NTNG1: variants seen among roughly 807,000 people sequenced by gnomAD.
The protein encoded by NTNG1 is netrin G1, also known as netrin-G1.
In NTNG1, 16 loss-of-function variants were observed where a neutral mutation model predicts 54.0. The ratio of observed to expected loss-of-function variants is 0.30; its 90% CI spans 0.20 to 0.45. The LOEUF is 0.45. Among genes scored for constraint, NTNG1 ranks in the 20% least tolerant of loss-of-function variants. NTNG1 has a pLI of 1.00. For synonymous variants in NTNG1, 255 were observed against 263.1 expected (o/e 0.97, Z 0.30); for missense variants, 530 against 678.7 (o/e 0.78, Z 2.43).
At position 107,284,425 on chromosome 1, in the gene NTNG1, G is replaced by A. The variant is rs144048245; in HGVS notation, c.247-39857G>A. On this transcript the variant is annotated intron_variant, in intron 2 of 7. Coordinates refer to ENST00000370068, the MANE Select transcript of NTNG1 (RefSeq NM_001113226.3). Reference sequence around the variant, plus strand: ...TTTACAGATACCTGCAGAAACCTTTGTTGTATATATGCAATAATGGTATTT... The same window carrying A: ...TTTACAGATACCTGCAGAAACCTTTATTGTATATATGCAATAATGGTATTT... Among the ~76,000 whole-genome samples the A allele has an allele frequency of 2.2e-4, 34 of 152,176 alleles. No homozygotes were observed. The East Asian group carries it at 6.0e-3, about 27-fold the overall frequency.
chr1:107,386,166 T>TATGTGTATATATATATATATA (rs869287441), intron 3 of NTNG1, among the ~76,000 whole-genome samples: 2 of 42,240 alleles, frequency 4.7e-5, no homozygotes, highest in African/African-American at 1.4e-4. Flanking sequence ...TATATATATA[T>TATGTGTATATATATATATATA]TTTTTTTTTT....
At chr1:107,258,186 TA>T (rs1228683058) in intron 2 of NTNG1, among the ~76,000 whole-genome samples, 3 of 152,042 alleles carry the variant, frequency 2.0e-5, no homozygotes, top group Non-Finnish European at 4.4e-5. Flanking sequence ...TTACTCGGAT[TA>T]TTTTTTTTTA....
At chr1:107,409,593 G>GA (rs1162549708) in intron 5 of NTNG1, 2 of 151,880 alleles carry the variant, frequency 1.3e-5, no homozygotes, top group African/African-American at 4.8e-5. Context: ...TTGTGCCTTT[G>GA]AAAAAAATAT....
intron 2 of NTNG1, among the ~76,000 whole-genome samples, chr1:107,198,406 T>C (rs1016421429): frequency 6.6e-6 from 1 of 151,980 alleles, no homozygotes; most frequent in African/African-American, 2.4e-5. Context: ...TGTATATGCT[T>C]GAAATTTTCC....
intron 7 of NTNG1, among the ~76,000 whole-genome samples, chr1:107,447,811 GCTT>G (rs1407017631): frequency 6.6e-6 from 1 of 152,092 alleles, no homozygotes; most frequent in Non-Finnish European, 1.5e-5. Flanking sequence ...GACAGAAGGA[GCTT>G]CTTAACAGAG....
Position 107,360,259 on chromosome 1 carries a change from A to G in NTNG1, c.888-34895A>G, listed in dbSNP as rs191243067. Among the ~76,000 whole-genome samples, 22 of 152,340 alleles carry G rather than the reference A, an allele frequency of 1.4e-4. No homozygotes were observed. The East Asian group carries it at 2.7e-3, about 19-fold the overall frequency. On this transcript the variant is annotated intron_variant, in intron 3 of 7. Coordinates refer to ENST00000370068, the MANE Select transcript of NTNG1 (RefSeq NM_001113226.3). ...GTGATATATACCATGAAGAAAAATG[A>G]ATCAGGGTAAGGGAAAGAGAATAAG... is the stretch of plus-strand genomic sequence containing the variant.
chr1:107,238,804 T>TC (rs1661593726), intron 2 of NTNG1, among the ~76,000 whole-genome samples: 1 of 151,860 alleles, frequency 6.6e-6, no homozygotes, highest in Non-Finnish European at 1.5e-5. Context: ...CTTTTTTTTT[T>TC]TTGTAAATTG....
At chr1:107,380,628 C>A (rs1179636559) in intron 3 of NTNG1, among the ~76,000 whole-genome samples, 1 of 152,136 alleles carries the variant, frequency 6.6e-6, no homozygotes, top group Admixed American at 6.5e-5. Context: ...ATTATTATTT[C>A]TCTGATCCTG....
intron 6 of NTNG1, among the ~76,000 whole-genome samples, chr1:107,436,158 A>G (rs1318836709): frequency 6.6e-6 from 1 of 152,248 alleles, no homozygotes; most frequent in Non-Finnish European, 1.5e-5. Context: ...AAAATGGTAT[A>G]TGCATGAATA....
chr1:107,327,156 T>C (rs1195096835), intron 3 of NTNG1, among the ~76,000 whole-genome samples: 1 of 152,102 alleles, frequency 6.6e-6, no homozygotes, highest in Non-Finnish European at 1.5e-5. Flanking sequence ...GTGAGCCCCT[T>C]CCATAAGGTC....
intron 2 of NTNG1, among the ~76,000 whole-genome samples, chr1:107,259,992 G>A (rs1042467160): frequency 2.0e-5 from 3 of 152,062 alleles, no homozygotes; most frequent in African/African-American, 7.2e-5. Context: ...CCATAGAGCC[G>A]AGATAGTAAA....
intron 7 of NTNG1, among the ~76,000 whole-genome samples, chr1:107,453,589 T>A (rs929287569): frequency 3.9e-5 from 6 of 152,230 alleles, no homozygotes; most frequent in Admixed American, 1.3e-4. Context: ...GGATTTCTTC[T>A]ACAATGTACT....
chr1:107,140,172 G>A (rs1409920668), upstream of NTNG1: 1 of 152,950 alleles, frequency 6.5e-6, no homozygotes, highest in Non-Finnish European at 1.5e-5. Context: ...GACGGAGTTA[G>A]GACCGCTCGG....
chr1:107,181,062 C>T (rs1469787958), intron 2 of NTNG1, among the ~76,000 whole-genome samples: 1 of 152,162 alleles, frequency 6.6e-6, no homozygotes, highest in Non-Finnish European at 1.5e-5. Flanking sequence ...TTATGCCGAA[C>T]TCTTTTCTAA....
intron 2 of NTNG1, among the ~76,000 whole-genome samples, chr1:107,214,366 G>A (rs1454431816): frequency 1.3e-5 from 2 of 152,082 alleles, no homozygotes; most frequent in Non-Finnish European, 2.9e-5. Context: ...GAGAAGATAC[G>A]ATGTTTGATT....
intron 2 of NTNG1, among the ~76,000 whole-genome samples, chr1:107,179,068 T>A (rs922735525): frequency 3.3e-5 from 5 of 152,084 alleles, no homozygotes; most frequent in African/African-American, 1.2e-4. Context: ...AGCCCTGCCC[T>A]CCCCACAAAG....
chr1:107,390,849 G>A (rs1452438557), intron 3 of NTNG1, among the ~76,000 whole-genome samples: 1 of 152,160 alleles, frequency 6.6e-6, no homozygotes, highest in Non-Finnish European at 1.5e-5. Context: ...CCTCTAGTGA[G>A]GATGACAGAA....
intron 6 of NTNG1, among the ~76,000 whole-genome samples, chr1:107,432,695 A>G (rs1675345744): frequency 6.6e-6 from 1 of 152,204 alleles, no homozygotes; most frequent in Non-Finnish European, 1.5e-5. Flanking sequence ...AACACAGGAT[A>G]AAAAACCTAA....
chr1:107,450,521 A>G (rs1210709083), intron 7 of NTNG1, among the ~76,000 whole-genome samples: 1 of 152,152 alleles, frequency 6.6e-6, no homozygotes, highest in East Asian at 1.9e-4. Context: ...AATTTAAGAA[A>G]TCAATTTACA....
Sources: gnomAD v4.1 joint callset for allele counts (sites outside exome capture counted in the v4.1 genomes callset) on GRCh38, gnomAD v4.1.1 for gene constraint, MANE v1.5 for transcripts, NCBI Gene and HGNC (gene_info 2026-07-23, HGNC 2026-07-21) for gene names.